The following MCM9 variants were observed in gnomAD, a reference collection of about 807,000 sequenced individuals.
The protein encoded by MCM9 is minichromosome maintenance 9 homologous recombination repair factor.
Under a neutral mutation model 72.8 loss-of-function variants are expected in MCM9, and 55 were observed. That is an observed-to-expected ratio of 0.76 (90% CI 0.61 to 0.95). MCM9 has a LOEUF of 0.95. MCM9 is among the 40% of genes least tolerant of loss of function. The pLI, the probability that MCM9 is intolerant of heterozygous loss-of-function variation, is 0.00. For synonymous variants in MCM9, 480 were observed against 503.4 expected, an observed-to-expected ratio of 0.95 and a Z score of 0.62; for missense variants, 1,279 against 1,377.0, an observed-to-expected ratio of 0.93 and a Z score of 1.13.
intron 9 of MCM9, among the ~76,000 whole-genome samples, chr6:118,855,890 T>C (rs1776523557): frequency 6.6e-6 from 1 of 152,212 alleles, no homozygotes; most frequent in Non-Finnish European, 1.5e-5. Flanking sequence ...CCTCTTTGAA[T>C]CACAAAAGGC....
At chr6:118,826,940 A>C in intron 11 of MCM9, 76 bp from the exon 12 acceptor site, 1 of 1,169,728 alleles carries the variant, frequency 8.5e-7, no homozygotes, top group South Asian at 1.4e-5. Flanking sequence ...CCTCCTCCTC[A>C]CCATTTGTAT....
chr6:118,893,963 C>CCGCGGCCA, intron 8 of MCM9: 1 of 968,988 alleles, frequency 1.0e-6, no homozygotes, highest in Non-Finnish European at 1.2e-6. Context: ...CACGCCCCCT[C>CCGCGGCCA]CGCCCCTCTC....
intron 8 of MCM9, among the ~76,000 whole-genome samples, chr6:118,893,849 A>C (rs890923943): frequency 2.7e-4 from 19 of 70,406 alleles, no homozygotes; most frequent in African/African-American, 6.5e-4. Context: ...AAAAAACAAA[A>C]AAAAAAACAA....
At chr6:118,846,723 C>T (rs754828641) in intron 9 of MCM9, among the ~76,000 whole-genome samples, 4 of 151,576 alleles carry the variant, frequency 2.6e-5, no homozygotes, top group East Asian at 3.8e-4. Context: ...ATCAACCATC[C>T]CCTTATGGAA....
intron 8 of MCM9, among the ~76,000 whole-genome samples, chr6:118,873,064 CA>C (rs1562418760): frequency 6.6e-6 from 1 of 151,224 alleles, no homozygotes; most frequent in African/African-American, 2.4e-5. Flanking sequence ...GTCAGCTACT[CA>C]GGAGGCTGAG....
chr6:118,855,910 T>C (rs1776524555), intron 9 of MCM9, among the ~76,000 whole-genome samples: 1 of 152,220 alleles, frequency 6.6e-6, no homozygotes, highest in African/African-American at 2.4e-5. Context: ...CATTTCATCT[T>C]ATGCTTACAT....
rs1385054392 is a variant in MCM9, at chr6:118,856,401, T to C, written c.1295A>G (p.Glu432Gly). 5.2e-6 allele frequency: 8 copies of C among 1,535,528 alleles called. No homozygotes were observed. In the Admixed American group the frequency reaches 1.2e-4, roughly 23 times the overall value. Residue 432 changes from glutamate to glycine, a missense_variant, in exon 9 of 14, where the codon GAG becomes GGG. Physicochemically the swap from Glu to Gly is moderately conservative, Grantham distance 98. Transcript: ENST00000619706. ...CTTAGCAACACTTATGGTTTGTTGC[T>C]CCATTGCTTCATGGATACTGGTCCT... ...HDRTSIHEAM[E>G]QQTISVAKAG... is the part of the protein sequence containing the mutation.
At chr6:118,843,720 G>A (rs375688895) in intron 9 of MCM9, among the ~76,000 whole-genome samples, 270 of 101,926 alleles carry the variant, frequency 2.6e-3, no homozygotes, top group African/African-American at 0.01. Context: ...ATATATATAT[G>A]TATATATATA....
At position 118,818,559 on chromosome 6, in the gene MCM9, C is replaced by T. The variant is rs71338865; in HGVS notation, c.1962-2265G>A. Among the ~76,000 whole-genome samples the T allele has an allele frequency of 4.8e-3, 738 of 152,214 alleles. 1 individual carries two copies. Among genetic ancestry groups the T allele is most frequent in the Non-Finnish European group, 7.1e-3 (486 of 67,998 alleles). On this transcript the variant is annotated intron_variant, in intron 13 of 13. Transcript: ENST00000619706. ...TGCAGTATAGTTTGAAGTCAGGTAG[C>T]GTGATGCCTCCAGCTTTGTTCTTTT...
chr6:118,930,326 A>G (rs2114449961), intron 3 of MCM9, among the ~76,000 whole-genome samples: 1 of 152,024 alleles, frequency 6.6e-6, no homozygotes, highest in East Asian at 1.9e-4. Flanking sequence ...GTTAGCCAGG[A>G]TGGTCTCGAT....
chr6:118,833,230 G>A (rs1774714307), intron 9 of MCM9, among the ~76,000 whole-genome samples: 1 of 152,106 alleles, frequency 6.6e-6, no homozygotes, highest in Non-Finnish European at 1.5e-5. Flanking sequence ...CACGTGGTGA[G>A]CACAGGAAAA....
intron 13 of MCM9, among the ~76,000 whole-genome samples, chr6:118,817,083 T>C (rs1310332823): frequency 6.6e-6 from 1 of 152,208 alleles, no homozygotes; most frequent in Non-Finnish European, 1.5e-5. Context: ...TTTAAATATC[T>C]TGGGCATATT....
chr6:118,893,990 G>C (rs1479573927), intron 8 of MCM9: 1 of 980,186 alleles, frequency 1.0e-6, no homozygotes, highest in African/African-American at 1.8e-5. Context: ...GCCGCCGGCG[G>C]CCTCCGCGCG....
chr6:118,859,749 A>G (rs1248363335), intron 8 of MCM9, among the ~76,000 whole-genome samples: 1 of 152,198 alleles, frequency 6.6e-6, no homozygotes, highest in African/African-American at 2.4e-5. Context: ...GAGAGGGAAA[A>G]GGAACCATTT....
rs138151385 is a variant in MCM9 at position 118,912,904 on chromosome 6, G to A, written c.1030+391C>T. On this transcript the variant is annotated intron_variant, in intron 7 of 13. Transcript: ENST00000619706. ...CAGATGACTGAAAGCAGCAGTCTAAGAGAAACACAGTGACAGCCACAGATG... is the reference window on the plus strand; with the variant it reads ...CAGATGACTGAAAGCAGCAGTCTAAAAGAAACACAGTGACAGCCACAGATG... 786 of 164,170 alleles carry A rather than the reference G, an allele frequency of 4.8e-3. 2 individuals carry two copies. Among genetic ancestry groups the A allele is most frequent in the Non-Finnish European group, 8.1e-3 (607 of 75,110 alleles). The allele number at this position is 164,170 out of a possible 1,614,324, so 10.2% of individuals were successfully genotyped here.
chr6:118,837,250 C>G (rs1775025006), intron 9 of MCM9, among the ~76,000 whole-genome samples: 1 of 152,146 alleles, frequency 6.6e-6, no homozygotes, highest in Admixed American at 6.5e-5. Flanking sequence ...GATTTTCACT[C>G]TTTTGCATTT....
rs1401311023 is a variant in MCM9, at chr6:118,815,326, G to T, written c.2930C>A (p.Thr977Asn). 5 of 1,550,466 alleles carry T rather than the reference G, an allele frequency of 3.2e-6. No homozygotes were observed. In the Admixed American group the frequency reaches 9.8e-5, roughly 30 times the overall value. ...CTGACTGGAGATCTGGTTTCCTGGG[G>T]TAGATGTTAACTTTCCTGGACGCTT... is the stretch of plus-strand genomic sequence containing the variant. ...PVKRPGKLTS[T>N]PGNQISSQPQ... Residue 977 changes from threonine (T) to asparagine (N), a missense_variant, in exon 14 of 14, where the codon ACC becomes AAC. By Grantham distance (65) the Thr-to-Asn change is moderately conservative. Coordinates refer to ENST00000619706, the MANE Select transcript of MCM9 (RefSeq NM_017696.3).
chr6:118,814,573 C>T lies in MCM9; in HGVS notation c.*251G>A, dbSNP rs1212278253. 1 of 335,780 alleles carries T rather than the reference C, an allele frequency of 3.0e-6. No individual in the cohort carries two copies. Among genetic ancestry groups the T allele is most frequent in the East Asian group, 4.6e-5 (1 of 21,694 alleles). The allele number at this position is 335,780 out of a possible 1,614,324, so 20.8% of individuals were successfully genotyped here. A position where few individuals can be genotyped will look rare whatever the true frequency, so the allele number is the denominator to read the frequency against. ...CTTCAGGAACAGGAATACAAGTACT[C>T]CATTTGTAAAATTAAGCACAACATA... On this transcript the variant is annotated 3_prime_UTR_variant, in exon 14 of 14. Transcript: ENST00000619706.
chr6:118,835,885 T>C (rs1774920453), intron 9 of MCM9, among the ~76,000 whole-genome samples: 2 of 152,212 alleles, frequency 1.3e-5, no homozygotes, highest in Non-Finnish European at 2.9e-5. Context: ...CAATACTATG[T>C]TGACTAGGAG....
Sources: allele counts gnomAD v4.1 joint callset (sites outside exome capture counted in the v4.1 genomes callset), GRCh38; gene constraint gnomAD v4.1.1; transcripts MANE v1.5; gene names NCBI Gene and HGNC (gene_info 2026-07-23, HGNC 2026-07-21).